The following SLC25A46 variants were observed in gnomAD, a reference collection of about 807,000 sequenced individuals.
SLC25A46 encodes mitochondrial outer membrane protein SLC25A46.
A neutral mutation model predicts 44.6 loss-of-function variants in SLC25A46; 39 were observed. That is an observed-to-expected ratio of 0.87 (90% CI 0.68 to 1.14). The LOEUF is 1.14. SLC25A46 is among the 50% of genes most tolerant of loss of function. The pLI, the probability that SLC25A46 is intolerant of heterozygous loss-of-function variation, is 0.00. For synonymous variants in SLC25A46, 202 were observed against 185.8 expected, an observed-to-expected ratio of 1.09 and a Z score of -0.71; for missense variants, 547 against 522.7, an observed-to-expected ratio of 1.05 and a Z score of -0.45.
rs1025697136 is a variant in SLC25A46, at chr5:110,750,211, A to T, written c.563+1948A>T. 3.4e-5 allele frequency among the ~76,000 whole-genome samples: 5 copies of T among 145,134 alleles called. 2 individuals are homozygous for T. The highest frequency in any genetic ancestry group is 1.4e-4 in the African/African-American group (5 of 34,912). ...CTAAAACGTTTGAAACAAAACAAAG[A>T]TTAGAAAGGTCAGCAACATTTGGGC... On this transcript the variant is annotated intron_variant, in intron 5 of 7. Coordinates refer to ENST00000355943, the MANE Select transcript of SLC25A46 (RefSeq NM_138773.4).
upstream of SLC25A46, among the ~76,000 whole-genome samples, chr5:110,738,503 T>A (rs984757523): frequency 5.3e-5 from 8 of 152,116 alleles, no homozygotes; most frequent in Non-Finnish European, 1.2e-4. Context: ...GCTCTGGTGG[T>A]CCACAGTACT....
Position 110,763,022 on chromosome 5 carries a change from C to T in SLC25A46, c.*1240C>T, listed in dbSNP as rs1800296491. 1 of 151,714 alleles carries T rather than the reference C, an allele frequency of 6.6e-6. No homozygotes were observed. Among genetic ancestry groups the T allele is most frequent in the Non-Finnish European group, 1.5e-5 (1 of 67,842 alleles). 9.4% of individuals were successfully genotyped at this position (151,714 alleles called of 1,614,324 possible). ...GGGGAAAAAGTACATTTGTACATTT[C>T]AACATATAATAAGCAAAAAAATTAC... On this transcript the variant is annotated 3_prime_UTR_variant, in exon 8 of 8. Coordinates refer to ENST00000355943, the MANE Select transcript of SLC25A46 (RefSeq NM_138773.4).
intron 3 of SLC25A46, 143 bp downstream of exon 3, chr5:110,743,930 G>T: frequency 1.9e-6 from 1 of 525,916 alleles, no homozygotes. Context: ...CCTCTTTAAA[G>T]TCTTAAAAAA....
At position 110,743,748 on chromosome 5, in the gene SLC25A46, A is replaced by G. The variant is rs1799745887; in HGVS notation, c.345A>G (p.Val115=). The change falls in exon 3 of 8, where the codon GTA becomes GTG. Residue 115 remains valine, a synonymous_variant. Coordinates refer to ENST00000355943, the MANE Select transcript of SLC25A46 (RefSeq NM_138773.4). ...IGLASLFTEN[V]LAHPCIVLRR... Reference sequence around the variant, plus strand: ...TATATAGTCTCTTTACAGAAAATGTATTGGCACATCCTTGCATTGTTCTAC... The same window carrying G: ...TATATAGTCTCTTTACAGAAAATGTGTTGGCACATCCTTGCATTGTTCTAC... 2 of 1,602,216 alleles carry G rather than the reference A, an allele frequency of 1.2e-6. No homozygotes were observed. Among genetic ancestry groups the G allele is most frequent in the East Asian group, 2.2e-5 (1 of 44,502 alleles).
intron 1 of SLC25A46, among the ~76,000 whole-genome samples, chr5:110,739,890 C>G (rs970243096): frequency 1.3e-5 from 2 of 152,156 alleles, no homozygotes; most frequent in African/African-American, 4.8e-5. Flanking sequence ...GTTTTCTCAT[C>G]TTTAAGATGT....
chr5:110,739,114 G>C lies in SLC25A46; in HGVS notation c.-6G>C. On this transcript the variant is annotated 5_prime_UTR_variant, in exon 1 of 8. Transcript: ENST00000355943. ...GGCGGGCTCGCGTCATCCTGCCCCC[G>C]CTGCGATGCATCCGCGGCGCCCGGA... The C allele has an allele frequency of 6.5e-7, 1 of 1,545,736 alleles. No individual in the cohort carries two copies. The highest frequency in any genetic ancestry group is 8.7e-7 in the Non-Finnish European group (1 of 1,146,408).
intron 6 of SLC25A46, 81 bp downstream of exon 6, chr5:110,755,602 A>G: frequency 1.2e-6 from 1 of 865,682 alleles, no homozygotes; most frequent in African/African-American, 1.7e-5. Context: ...ATCTTATTAA[A>G]TAACTGTAGA....
At chr5:110,742,864 C>T (rs1309462808) in intron 2 of SLC25A46, among the ~76,000 whole-genome samples, 2 of 151,816 alleles carry the variant, frequency 1.3e-5, no homozygotes, top group African/African-American at 4.8e-5. Context: ...TTATTGTGAT[C>T]CTTAGTGAAT....
At chr5:110,751,927 ATTC>A (rs1799976500) in intron 5 of SLC25A46, among the ~76,000 whole-genome samples, 5 of 152,166 alleles carry the variant, frequency 3.3e-5, no homozygotes. Context: ...AAAATTATTT[ATTC>A]TTCTTTGGGC....
At chr5:110,756,605 G>C (rs1284256025) in intron 6 of SLC25A46, 97 bp from the exon 7 acceptor site, 1 of 743,078 alleles carries the variant, frequency 1.3e-6, no homozygotes, top group Non-Finnish European at 2.2e-6. Context: ...ATTCTAGCTT[G>C]ACTATAAATT....
At chr5:110,743,965 G>C (rs1214517494) in intron 3 of SLC25A46, among the ~76,000 whole-genome samples, 178 bp downstream of exon 3, 1 of 151,876 alleles carries the variant, frequency 6.6e-6, no homozygotes, top group African/African-American at 2.4e-5. Context: ...AAATAACTTT[G>C]GTTTATGTTG....
rs373302653 is a variant in SLC25A46 at position 110,752,057 on chromosome 5, C to T, written c.564-3408C>T. Among the ~76,000 whole-genome samples, 9 of 152,218 alleles carry T rather than the reference C, an allele frequency of 5.9e-5. No homozygotes were observed. The East Asian group carries it at 7.7e-4, about 13-fold the overall frequency. Reference sequence around the variant, plus strand: ...TAACAGCAGTTCACAGAAGCTACTACATGAGGAGGATGAGCTCTGAGGTCT... The same window carrying T: ...TAACAGCAGTTCACAGAAGCTACTATATGAGGAGGATGAGCTCTGAGGTCT... On this transcript the variant is annotated intron_variant, in intron 5 of 7. Transcript: ENST00000355943.
chr5:110,754,514 C>A (rs2150414946), intron 5 of SLC25A46: 2 of 150,632 alleles, frequency 1.3e-5, no homozygotes, highest in East Asian at 3.9e-4. Context: ...TCCCTCCCTC[C>A]CTTCCTTCTT....
chr5:110,745,363 C>T lies in SLC25A46; in HGVS notation c.385-906C>T, dbSNP rs565509628. Among the ~76,000 whole-genome samples, 43 of 152,232 alleles carry T rather than the reference C, an allele frequency of 2.8e-4. 1 individual carries two copies. The South Asian group carries it at 8.7e-3, about 31-fold the overall frequency. ...CCGCCTCCTGGGTTCACGCCATTCT[C>T]CTGCCTCAGCCTCCCGAGTAGCTGG... On this transcript the variant is annotated intron_variant, in intron 3 of 7. Coordinates refer to ENST00000355943, the MANE Select transcript of SLC25A46 (RefSeq NM_138773.4).
chr5:110,759,414 C>T (rs1800192118), intron 7 of SLC25A46, among the ~76,000 whole-genome samples: 1 of 152,116 alleles, frequency 6.6e-6, no homozygotes. Flanking sequence ...TGTGTTGTAT[C>T]ATACATGCTT....
chr5:110,761,282 C>G lies in SLC25A46; in HGVS notation c.757C>G (p.Pro253Ala). The G allele has an allele frequency of 6.2e-7, 1 of 1,613,602 alleles. No homozygotes were observed. Reference sequence around the variant, plus strand: ...TGGAAGAGTGATAGGCATGGGAGTGCCTCATAGCAAACGACTTCTTCCGCT... The same window carrying G: ...TGGAAGAGTGATAGGCATGGGAGTGGCTCATAGCAAACGACTTCTTCCGCT... Reference protein sequence around the residue: ...GIGRVIGMGVPHSKRLLPLLS... With the variant: ...GIGRVIGMGVAHSKRLLPLLS... The change falls in exon 8 of 8, where the codon CCT becomes GCT. Residue 253 changes from proline (P) to alanine (A), a missense_variant. Coordinates refer to ENST00000355943, the MANE Select transcript of SLC25A46 (RefSeq NM_138773.4). The surrounding 1 kb of genome is among the most constrained non-coding windows in gnomAD (Gnocchi z 5.3).
chr5:110,755,509 T>C lies in SLC25A46; in HGVS notation c.608T>C (p.Leu203Pro). ...AGTCCTAAACAAATAGGAGAACACC[T>C]TCTACTGAAATCGTAAGTATCAAAA... ...KWSPKQIGEH[L>P]LLKSLTYVVA... The change falls in exon 6 of 8, where the codon CTT (leucine) becomes CCT (proline). Residue 203 changes from leucine to proline, a missense_variant. Coordinates refer to ENST00000355943, the MANE Select transcript of SLC25A46 (RefSeq NM_138773.4). The C allele has an allele frequency of 6.3e-7, 1 of 1,576,240 alleles. No individual in the cohort carries two copies. The highest frequency in any genetic ancestry group is 8.6e-7 in the Non-Finnish European group (1 of 1,162,078).
At chr5:110,758,978 A>C (rs1464471540) in intron 7 of SLC25A46, among the ~76,000 whole-genome samples, 1 of 152,184 alleles carries the variant, frequency 6.6e-6, no homozygotes, top group African/African-American at 2.4e-5. Flanking sequence ...GGTTTTAATT[A>C]CATCACTTTA....
At position 110,761,453 on chromosome 5, in the gene SLC25A46, T is replaced by C. The variant is rs1800248230; in HGVS notation, c.928T>C (p.Leu310=). 1.2e-6 allele frequency: 2 copies of C among 1,613,812 alleles called. No individual in the cohort carries two copies. The highest frequency in any genetic ancestry group is 1.7e-6 in the Non-Finnish European group (2 of 1,179,834). The change falls in exon 8 of 8, where the codon TTG becomes CTG. Residue 310 remains leucine, a synonymous_variant. Transcript: ENST00000355943. This position sits in a 1 kb window ranked among gnomAD's most constrained non-coding sequence, Gnocchi z 5.3. The stretch of plus-strand genomic sequence containing the variant: ...GAGCACTAGCCCTGTGCAGAGTATG[T>C]TGGATGCTTATTTTCCAGAACTTAT... ...AESTSPVQSM[L]DAYFPELIAN...
Sources: allele counts gnomAD v4.1 joint callset (sites outside exome capture counted in the v4.1 genomes callset), GRCh38; gene constraint gnomAD v4.1.1; non-coding constraint Gnocchi (gnomAD v3.1); transcripts MANE v1.5; gene names NCBI Gene and HGNC (gene_info 2026-07-23, HGNC 2026-07-21).